Variants in BTBD10 observed in about 807,000 individuals in gnomAD.
The protein encoded by BTBD10 is BTB domain containing 10, also known as BTB/POZ domain-containing protein 10.
A neutral mutation model predicts 53.2 loss-of-function variants in BTBD10; 21 were observed. The observed-to-expected ratio is 0.39, with a 90% CI of 0.28 to 0.57. BTBD10 has a LOEUF of 0.57. BTBD10 is among the 20% of genes least tolerant of loss of function. The pLI is 0.53. For missense variants in BTBD10, 360 were observed against 594.7 expected, an observed-to-expected ratio of 0.61 and a Z score of 4.10; for synonymous variants, 149 against 192.7, an observed-to-expected ratio of 0.77 and a Z score of 1.88.
chr11:13,418,433 T>A (rs1258900427), intron 4 of BTBD10, among the ~76,000 whole-genome samples: 1 of 152,102 alleles, frequency 6.6e-6, no homozygotes, highest in African/African-American at 2.4e-5. Flanking sequence ...ATTTCAAATA[T>A]CTACTTTTTT....
intron 6 of BTBD10, among the ~76,000 whole-genome samples, chr11:13,413,057 T>C (rs1328478072): frequency 6.6e-6 from 1 of 152,190 alleles, no homozygotes; most frequent in Non-Finnish European, 1.5e-5. Flanking sequence ...ATCCTATGTA[T>C]ACATGAGGGC....
chr11:13,403,360 G>A (rs931479464), intron 7 of BTBD10, 82 bp from the exon 8 acceptor site: 4 of 743,330 alleles, frequency 5.4e-6, no homozygotes, highest in South Asian at 2.4e-5. Flanking sequence ...TCATCAAAGG[G>A]GCCTAACAGT....
At chr11:13,414,970 G>T (rs535262833) in intron 5 of BTBD10, among the ~76,000 whole-genome samples, 1 of 151,456 alleles carries the variant, frequency 6.6e-6, no homozygotes, top group Admixed American at 6.6e-5. Context: ...TCTGGTACTT[G>T]TATGAATACT....
intron 2 of BTBD10, among the ~76,000 whole-genome samples, chr11:13,435,746 C>T (rs1307383946): frequency 6.6e-6 from 1 of 152,172 alleles, no homozygotes; most frequent in African/African-American, 2.4e-5. Flanking sequence ...CTGCCTCGGC[C>T]TCCCAAAGTG....
chr11:13,392,110 T>C lies in BTBD10; in HGVS notation c.1118-2969A>G, dbSNP rs137868165. On this transcript the variant is annotated intron_variant, in intron 8 of 8. Transcript: ENST00000278174. ...ACTACCTTAAGGTGTTTATGGTCTATTGAGAGTCATTAAATTGTTCATAAA... is the reference window on the plus strand; with the variant it reads ...ACTACCTTAAGGTGTTTATGGTCTACTGAGAGTCATTAAATTGTTCATAAA... 1.3e-3 allele frequency among the ~76,000 whole-genome samples: 193 copies of C among 152,328 alleles called. 2 individuals carry two copies. The highest frequency in any genetic ancestry group is 8.1e-3 in the Admixed American group (124 of 15,310).
chr11:13,404,235 G>A (rs562849560), intron 7 of BTBD10, among the ~76,000 whole-genome samples: 4 of 152,120 alleles, frequency 2.6e-5, no homozygotes, highest in Non-Finnish European at 5.9e-5. Context: ...AAATCAGGCC[G>A]AAAGGCTATC....
chr11:13,389,143 TGAAAGAAA>T lies in BTBD10; in HGVS notation c.1118-10_1118-3del. On this transcript the variant is annotated splice_region_variant and splice_polypyrimidine_tract_variant and intron_variant, in intron 8 of 8. Coordinates refer to ENST00000278174, the MANE Select transcript of BTBD10 (RefSeq NM_032320.7). ...CTTTTTCTTTGTAGGTAGGATAACC[TGAAAGAAA>T]GAAAGATTTTAAAAACTGAGGAGAC... is the stretch of plus-strand genomic sequence containing the variant. 2 of 1,600,204 alleles carry T rather than the reference TGAAAGAAA, an allele frequency of 1.2e-6. No individual in the cohort carries two copies. The highest frequency in any genetic ancestry group is 1.7e-6 in the Non-Finnish European group (2 of 1,174,390).
At chr11:13,456,261 A>G (rs926307115) in intron 1 of BTBD10, among the ~76,000 whole-genome samples, 1 of 152,224 alleles carries the variant, frequency 6.6e-6, no homozygotes, top group Non-Finnish European at 1.5e-5. Context: ...AGAGAATTAA[A>G]GGCCCAGAAA....
intron 2 of BTBD10, among the ~76,000 whole-genome samples, chr11:13,432,569 T>C (rs530387454): frequency 2.2e-4 from 33 of 152,112 alleles, no homozygotes; most frequent in African/African-American, 7.5e-4. Flanking sequence ...CATATTTTCA[T>C]TGAATTATAT....
rs1407731892 is a variant in BTBD10, at chr11:13,436,090, G to T, written c.101+8934C>A. On this transcript the variant is annotated intron_variant, in intron 2 of 8. Transcript: ENST00000278174. ...TGTTTAGAAAATCTAGTCCAAACAT[G>T]TATCTAATTCCTGAATCTTCATCTA... is the stretch of plus-strand genomic sequence containing the variant. Among the ~76,000 whole-genome samples the T allele has an allele frequency of 1.6e-4, 24 of 152,134 alleles. 1 individual carries two copies. The highest frequency in any genetic ancestry group is 1.6e-3 in the Admixed American group (24 of 15,266).
At chr11:13,428,215 G>C (rs1328010959) in intron 2 of BTBD10, among the ~76,000 whole-genome samples, 1 of 151,986 alleles carries the variant, frequency 6.6e-6, no homozygotes, top group Admixed American at 6.5e-5. Flanking sequence ...ACTCAGAATG[G>C]ACAAATTTAA....
At chr11:13,444,684 A>G (rs1591164626) in intron 2 of BTBD10, among the ~76,000 whole-genome samples, 1 of 152,198 alleles carries the variant, frequency 6.6e-6, no homozygotes. Flanking sequence ...CAATGTATTT[A>G]GAGCACAAAA....
chr11:13,462,084 C>G (rs1466667095), intron 1 of BTBD10, among the ~76,000 whole-genome samples: 6 of 152,098 alleles, frequency 3.9e-5, no homozygotes, highest in Admixed American at 3.9e-4. Flanking sequence ...TACAGAAACT[C>G]TTTTGGCCGT....
chr11:13,402,415 T>C (rs1433877232), intron 8 of BTBD10, among the ~76,000 whole-genome samples: 1 of 152,218 alleles, frequency 6.6e-6, no homozygotes, highest in Non-Finnish European at 1.5e-5. Context: ...ATTAATGCTC[T>C]CATTTTAGAG....
chr11:13,447,830 C>T (rs1565269720), intron 1 of BTBD10, among the ~76,000 whole-genome samples: 1 of 152,038 alleles, frequency 6.6e-6, no homozygotes, highest in East Asian at 1.9e-4. Context: ...TACAAGCACA[C>T]TAAAAAATAA....
intron 4 of BTBD10, among the ~76,000 whole-genome samples, chr11:13,418,692 T>C (rs1950176591): frequency 6.6e-6 from 1 of 152,120 alleles, no homozygotes. Context: ...CATACACACA[T>C]TACATATGCA....
At chr11:13,401,335 T>C (rs1484950824) in intron 8 of BTBD10, among the ~76,000 whole-genome samples, 1 of 152,282 alleles carries the variant, frequency 6.6e-6, no homozygotes, top group African/African-American at 2.4e-5. Flanking sequence ...GTAACTAATT[T>C]ACATATAGCT....
At chr11:13,439,640 T>C (rs750487815) in intron 2 of BTBD10, among the ~76,000 whole-genome samples, 18 of 152,194 alleles carry the variant, frequency 1.2e-4, no homozygotes, top group African/African-American at 3.4e-4. Flanking sequence ...CCAAACACAA[T>C]GCATTCTCAA....
chr11:13,426,935 A>AC (rs1053270417), intron 2 of BTBD10, among the ~76,000 whole-genome samples: 2 of 152,170 alleles, frequency 1.3e-5, no homozygotes, highest in African/African-American at 4.8e-5. Context: ...AACTGTCTAA[A>AC]CCATAAAAGG....
Sources: gnomAD v4.1 joint callset for allele counts (sites outside exome capture counted in the v4.1 genomes callset) on GRCh38, gnomAD v4.1.1 for gene constraint, MANE v1.5 for transcripts, NCBI Gene and HGNC (gene_info 2026-07-23, HGNC 2026-07-21) for gene names.